LINC00305: variants seen among roughly 807,000 people sequenced by gnomAD.
LINC00305 encodes long independently transcribed non-coding RNA 305.
Position 64,127,393 on chromosome 18 carries a change from CTG to C in LINC00305, n.314+21380_314+21381del, listed in dbSNP as rs553129432. 140 of 152,176 alleles carry C rather than the reference CTG, an allele frequency of 9.2e-4. 1 individual carries two copies. The highest frequency in any genetic ancestry group is 3.3e-3 in the African/African-American group (136 of 41,526). The allele number at this position is 152,176 out of a possible 1,614,324, so 9.4% of individuals were successfully genotyped here. ...TTACCCTTATCTTGCAGATGAAACT[CTG>C]AGGCTTTCAGGGACGTGAGGTACGG... On this transcript the variant is annotated intron_variant and non_coding_transcript_variant, in intron 1 of 3. Transcript: ENST00000666468.
At chr18:64,148,444 T>C (rs2051508787) in intron 1 of LINC00305, among the ~76,000 whole-genome samples, 2 of 151,620 alleles carry the variant, frequency 1.3e-5, no homozygotes, top group Admixed American at 1.3e-4. Flanking sequence ...TCATCCTACA[T>C]ACCCTTAAGC....
At chr18:64,085,133 C>T (rs113159680) in intron 3 of LINC00305, among the ~76,000 whole-genome samples, 5 of 152,368 alleles carry the variant, frequency 3.3e-5, no homozygotes, top group African/African-American at 1.2e-4. Flanking sequence ...ACTTCACTGA[C>T]TCTTGGTTAA....
rs141250068 is a variant in LINC00305, at chr18:64,129,415, G to T, written n.314+19360C>A. ...GTTTTTAAAAAATCATACCTAAATG[G>T]AGCATGTTCTGTTCTTGGCTGTGCT... On this transcript the variant is annotated intron_variant and non_coding_transcript_variant, in intron 1 of 3. Transcript: ENST00000666468. Among the ~76,000 whole-genome samples the T allele has an allele frequency of 5.1e-3, 772 of 152,152 alleles. 16 individuals carry two copies. Among genetic ancestry groups the T allele is most frequent in the African/African-American group, 0.017 (718 of 41,518 alleles).
chr18:64,113,364 C>T (rs2051323582), intron 1 of LINC00305, among the ~76,000 whole-genome samples: 1 of 152,122 alleles, frequency 6.6e-6, no homozygotes, highest in South Asian at 2.1e-4. Context: ...TCATTATTAC[C>T]CCAAGAAGAG....
intron 1 of LINC00305, among the ~76,000 whole-genome samples, chr18:64,118,545 C>A (rs925303821): frequency 1.3e-5 from 2 of 152,086 alleles, no homozygotes; most frequent in African/African-American, 4.8e-5. Context: ...TAGGACATAA[C>A]TCCAAACACT....
intron 1 of LINC00305, among the ~76,000 whole-genome samples, chr18:64,147,014 G>T (rs984567631): frequency 6.6e-6 from 1 of 152,006 alleles, no homozygotes; most frequent in Non-Finnish European, 1.5e-5. Context: ...CTTTCCCAAC[G>T]TTTTCTTCTT....
At chr18:64,131,857 A>T (rs2051411409) in intron 1 of LINC00305, among the ~76,000 whole-genome samples, 1 of 152,200 alleles carries the variant, frequency 6.6e-6, no homozygotes, top group African/African-American at 2.4e-5. Context: ...TGTCATCAGA[A>T]ATGGGGACTG....
chr18:64,094,598 C>T (rs1034085101), intron 3 of LINC00305, among the ~76,000 whole-genome samples: 2 of 152,138 alleles, frequency 1.3e-5, no homozygotes, highest in Non-Finnish European at 1.5e-5. Flanking sequence ...GGGCCAAGCT[C>T]ACACCTGTAA....
chr18:64,086,680 G>A (rs886315795), intron 3 of LINC00305, among the ~76,000 whole-genome samples: 1 of 152,156 alleles, frequency 6.6e-6, no homozygotes, highest in Non-Finnish European at 1.5e-5. Context: ...GAAGATTGGT[G>A]GGGCTTGTTT....
At chr18:64,148,993 CA>C (rs2051512107) in exon 1 of LINC00305, 1 of 152,194 alleles carries the variant, frequency 6.6e-6, no homozygotes, top group African/African-American at 2.4e-5. Context: ...GACAAGTTCA[CA>C]GGAAAGGGGT....
At chr18:64,132,028 C>CAATAGA (rs1249584544) in intron 1 of LINC00305, among the ~76,000 whole-genome samples, 3 of 152,208 alleles carry the variant, frequency 2.0e-5, no homozygotes, top group African/African-American at 7.2e-5. Flanking sequence ...GATGTAGTTG[C>CAATAGA]AATAGAAAGT....
rs373327529 is a variant in LINC00305 at position 64,105,653 on chromosome 18, G to T, written n.315-7013C>A. On this transcript the variant is annotated intron_variant and non_coding_transcript_variant, in intron 1 of 3. Coordinates refer to ENST00000666468, the Ensembl canonical transcript of LINC00305. ...GCCTTACATTTACACTATGGTAATGGTATGGGATAGGGTGGCAATGGTGCA... is the reference window on the plus strand; with the variant it reads ...GCCTTACATTTACACTATGGTAATGTTATGGGATAGGGTGGCAATGGTGCA... Among the ~76,000 whole-genome samples the T allele has an allele frequency of 2.3e-4, 35 of 152,252 alleles. No individual in the cohort carries two copies. The South Asian group carries it at 7.3e-3, about 32-fold the overall frequency.
intron 1 of LINC00305, among the ~76,000 whole-genome samples, chr18:64,120,004 A>C (rs935897020): frequency 1.3e-5 from 2 of 152,142 alleles, no homozygotes; most frequent in African/African-American, 2.4e-5. Context: ...CACAAAAAAA[A>C]CAAAATAAGC....
intron 1 of LINC00305, among the ~76,000 whole-genome samples, chr18:64,112,328 C>T (rs1210035937): frequency 8.0e-6 from 1 of 124,850 alleles, no homozygotes; most frequent in Non-Finnish European, 1.7e-5. Context: ...CCATTTTGCA[C>T]ATTGCTCAAA....
intron 1 of LINC00305, among the ~76,000 whole-genome samples, chr18:64,133,727 C>T (rs2051420202): frequency 6.6e-6 from 1 of 152,174 alleles, no homozygotes; most frequent in African/African-American, 2.4e-5. Flanking sequence ...TCTTCAGGAG[C>T]AGCTTAAATC....
chr18:64,086,255 C>A (rs1428851157), intron 3 of LINC00305, among the ~76,000 whole-genome samples: 10 of 152,184 alleles, frequency 6.6e-5, no homozygotes, highest in Non-Finnish European at 4.4e-5. Context: ...ATCCATTAAG[C>A]TTTGAAGTTC....
chr18:64,120,827 A>G (rs1053716848), intron 1 of LINC00305, among the ~76,000 whole-genome samples: 6 of 152,136 alleles, frequency 3.9e-5, no homozygotes, highest in Non-Finnish European at 7.4e-5. Flanking sequence ...GTGAAAATGA[A>G]TATCATCAAC....
chr18:64,096,780 AG>A (rs2051246760), intron 3 of LINC00305, among the ~76,000 whole-genome samples: 1 of 151,980 alleles, frequency 6.6e-6, no homozygotes, highest in Non-Finnish European at 1.5e-5. Flanking sequence ...AGTAAGTTAA[AG>A]AACACAATAA....
intron 1 of LINC00305, among the ~76,000 whole-genome samples, chr18:64,099,982 G>T (rs1215743987): frequency 6.6e-6 from 1 of 152,116 alleles, no homozygotes; most frequent in Non-Finnish European, 1.5e-5. Context: ...TAAAGTGAAA[G>T]CTAGTTACAG....
Sources: allele counts gnomAD v4.1 joint callset (sites outside exome capture counted in the v4.1 genomes callset), GRCh38; gene constraint gnomAD v4.1.1; transcripts MANE v1.5; gene names NCBI Gene and HGNC (gene_info 2026-07-23, HGNC 2026-07-21).